Variants in RGS5 observed in about 807,000 individuals in gnomAD.
RGS5 encodes regulator of G protein signaling 5, also known as regulator of G-protein signalling 5.
A neutral mutation model predicts 18.9 loss-of-function variants in RGS5; 20 were observed. The observed-to-expected ratio is 1.06, with a 90% confidence interval of 0.74 to 1.54. The LOEUF (loss-of-function observed/expected upper bound fraction) is 1.54, where lower values mean the gene tolerates loss of function less well. Ranked by LOEUF, RGS5 falls within the 40% of genes most tolerant of loss-of-function variation. RGS5 has a pLI of 0.00. For missense variants in RGS5, 201 were observed against 211.8 expected (o/e 0.95, Z 0.32); for synonymous variants, 57 against 76.2 (o/e 0.75, Z 1.31).
At chr1:163,166,562 G>A (rs955659450) in intron 2 of RGS5, among the ~76,000 whole-genome samples, 2 of 152,192 alleles carry the variant, frequency 1.3e-5, no homozygotes, top group Non-Finnish European at 2.9e-5. Context: ...ACATGAGGAG[G>A]TGGGATGGGG....
At position 163,152,614 on chromosome 1, in the gene RGS5, G is replaced by T; in HGVS notation, c.320C>A (p.Ala107Asp). ...TTGCTTTGCCTTCTCAGCCATCTTG[G>T]CAGGGGACTTGATCTTCTTGTAATC... Reference protein sequence around the residue: ...CEDYKKIKSPAKMAEKAKQIY... With the variant: ...CEDYKKIKSPDKMAEKAKQIY... Residue 107 changes from alanine (A) to aspartate (D), a missense_variant, in exon 4 of 5, where the codon GCC (alanine) becomes GAC (aspartate). Transcript: ENST00000313961. 6.2e-7 allele frequency: 1 copy of T among 1,612,746 alleles called. No individual in the cohort carries two copies. Among genetic ancestry groups the T allele is most frequent in the Non-Finnish European group, 8.5e-7 (1 of 1,179,220 alleles).
At chr1:163,274,675 C>G (rs375914778) in intron 2 of RGS5, among the ~76,000 whole-genome samples, 1 of 152,108 alleles carries the variant, frequency 6.6e-6, no homozygotes, top group Non-Finnish European at 1.5e-5. Flanking sequence ...GGACTGAGCC[C>G]TTTAAGTGAG....
intron 2 of RGS5, among the ~76,000 whole-genome samples, chr1:163,287,538 T>G (rs936971826): frequency 6.6e-6 from 1 of 152,256 alleles, no homozygotes; most frequent in African/African-American, 2.4e-5. Context: ...ATGGACTTGT[T>G]TGGCCCATGC....
chr1:163,213,511 G>A (rs1485476972), intron 1 of RGS5, among the ~76,000 whole-genome samples: 2 of 152,156 alleles, frequency 1.3e-5, no homozygotes. Context: ...AGCAAGCATG[G>A]AGGCAAAAGC....
chr1:163,229,711 T>G (rs1647428757), intron 2 of RGS5, among the ~76,000 whole-genome samples: 1 of 152,216 alleles, frequency 6.6e-6, no homozygotes, highest in Admixed American at 6.5e-5. Flanking sequence ...TCTCACCTCC[T>G]TCAGACTTTT....
chr1:163,267,163 G>T (rs547729986), intron 2 of RGS5: 3 of 152,174 alleles, frequency 2.0e-5, no homozygotes, highest in South Asian at 2.1e-4. Flanking sequence ...TGGGGATAGG[G>T]CCCTCACAGT....
At chr1:163,212,220 G>C (rs986874257) in intron 1 of RGS5, 1 of 152,162 alleles carries the variant, frequency 6.6e-6, no homozygotes, top group African/African-American at 2.4e-5. Context: ...GAGTCTGGGT[G>C]ATTACAGCTA....
chr1:163,296,226 AG>A (rs1436705845), intron 2 of RGS5, among the ~76,000 whole-genome samples: 1 of 152,206 alleles, frequency 6.6e-6, no homozygotes, highest in African/African-American at 2.4e-5. Context: ...GGGTGGCTGT[AG>A]AGAGAAAAAT....
intron 2 of RGS5, among the ~76,000 whole-genome samples, chr1:163,230,644 A>C (rs1647455813): frequency 6.6e-6 from 1 of 152,240 alleles, no homozygotes; most frequent in South Asian, 2.1e-4. Flanking sequence ...ATGACAATTC[A>C]TTCAGTGATA....
chr1:163,179,668 T>C (rs1658720494), intron 1 of RGS5, among the ~76,000 whole-genome samples: 1 of 152,166 alleles, frequency 6.6e-6, no homozygotes, highest in Non-Finnish European at 1.5e-5. Flanking sequence ...CTCTCCTGTT[T>C]TCTGCCAAAA....
At chr1:163,176,222 C>T (rs1362146416) in intron 1 of RGS5, among the ~76,000 whole-genome samples, 1 of 152,202 alleles carries the variant, frequency 6.6e-6, no homozygotes, top group African/African-American at 2.4e-5. Context: ...AGCTCATTTT[C>T]AGTAAGGGAC....
Position 163,285,532 on chromosome 1 carries a change from C to CAAAACA in RGS5, c.-281+20695_-281+20700dup, listed in dbSNP as rs1228815232. On this transcript the variant is annotated intron_variant, in intron 2 of 5. Coordinates refer to the RGS5 transcript ENST00000618415. ...TGGGTGACAGAGCAAGGCTCTGTCT[C>CAAAACA]AAAACAAAAACAAAAACAAAACAAA... is the stretch of plus-strand genomic sequence containing the variant. Among the ~76,000 whole-genome samples, 4 of 150,642 alleles carry CAAAACA rather than the reference C, an allele frequency of 2.7e-5. No homozygotes were observed. The South Asian group carries it at 6.4e-4, about 24-fold the overall frequency.
intron 1 of RGS5, among the ~76,000 whole-genome samples, chr1:163,178,919 A>G (rs1658681700): frequency 1.3e-5 from 2 of 152,210 alleles, no homozygotes; most frequent in South Asian, 4.1e-4. Flanking sequence ...AAGCAATATC[A>G]TAAGATACTT....
chr1:163,274,925 T>G (rs1648815112), intron 2 of RGS5, among the ~76,000 whole-genome samples: 1 of 152,122 alleles, frequency 6.6e-6, no homozygotes, highest in Non-Finnish European at 1.5e-5. Flanking sequence ...AAGACCAGCC[T>G]GGGCAACATA....
intron 2 of RGS5, among the ~76,000 whole-genome samples, chr1:163,295,546 C>T (rs1258026441): frequency 6.6e-6 from 1 of 152,158 alleles, no homozygotes; most frequent in East Asian, 1.9e-4. Context: ...TAACCTTGGC[C>T]ATCTGATTCC....
intron 2 of RGS5, among the ~76,000 whole-genome samples, chr1:163,265,429 T>C (rs751812116): frequency 2.6e-5 from 4 of 152,190 alleles, no homozygotes; most frequent in Non-Finnish European, 4.4e-5. Context: ...CCTAGTCTTG[T>C]AAGGCAACTT....
chr1:163,286,025 C>A (rs914495802), intron 2 of RGS5, among the ~76,000 whole-genome samples: 4 of 151,782 alleles, frequency 2.6e-5, no homozygotes, highest in Non-Finnish European at 4.4e-5. Flanking sequence ...CACATGCACA[C>A]AGACACACCC....
chr1:163,280,954 C>A (rs1458848579), intron 2 of RGS5, among the ~76,000 whole-genome samples: 2 of 152,070 alleles, frequency 1.3e-5, no homozygotes, highest in African/African-American at 4.8e-5. Flanking sequence ...GCATCCCCAC[C>A]CAAATCTAAT....
chr1:163,231,766 A>T (rs973288097), intron 2 of RGS5, among the ~76,000 whole-genome samples: 2 of 151,896 alleles, frequency 1.3e-5, no homozygotes, highest in Admixed American at 1.3e-4. Context: ...AAAAAAAAAA[A>T]AAAAGGCTAA....
Sources: gnomAD v4.1 joint callset for allele counts (sites outside exome capture counted in the v4.1 genomes callset) on GRCh38, gnomAD v4.1.1 for gene constraint, MANE v1.5 for transcripts, NCBI Gene and HGNC (gene_info 2026-07-23, HGNC 2026-07-21) for gene names.